The following CCDC30 variants were observed in gnomAD, a reference collection of about 807,000 sequenced individuals.
CCDC30 encodes coiled-coil domain-containing protein 30.
In CCDC30, 70 loss-of-function variants were observed where a neutral mutation model predicts 100.2. That is an observed-to-expected ratio of 0.70 (90% CI 0.58 to 0.85). The LOEUF is 0.85. Among genes scored for constraint, CCDC30 ranks in the 40% least tolerant of loss-of-function variants. The pLI, the probability that CCDC30 is intolerant of heterozygous loss-of-function variation, is 0.00. For synonymous variants in CCDC30, 233 were observed against 269.5 expected (o/e 0.86, Z 1.33); for missense variants, 652 against 771.2 (o/e 0.85, Z 1.83).
At position 42,556,418 on chromosome 1, in the gene CCDC30, A is replaced by G; in HGVS notation, c.457-9878A>G. 1 of 1,590,996 alleles carries G rather than the reference A, an allele frequency of 6.3e-7. No individual in the cohort carries two copies. The highest frequency in any genetic ancestry group is 8.6e-7 in the Non-Finnish European group (1 of 1,168,562). ...CAGTGGTGCCCAGGTAGGTGCTATA[A>G]ACACATGCCCTGACTGGGTTCGTTT... On this transcript the variant is annotated intron_variant, in intron 6 of 16. Coordinates refer to ENST00000668663, the Ensembl canonical transcript of CCDC30.
chr1:42,532,973 G>A (rs529094565), intron 6 of CCDC30, among the ~76,000 whole-genome samples: 1 of 152,246 alleles, frequency 6.6e-6, no homozygotes, highest in African/African-American at 2.4e-5. Flanking sequence ...GTTTCACTGT[G>A]GTATCGATCT....
chr1:42,551,053 A>G (rs565438033), intron 6 of CCDC30, among the ~76,000 whole-genome samples: 1 of 152,190 alleles, frequency 6.6e-6, no homozygotes, highest in African/African-American at 2.4e-5. Context: ...TACATGTGCC[A>G]TGTTGGTGTG....
At chr1:42,501,279 G>T (rs1644307899) in intron 6 of CCDC30, among the ~76,000 whole-genome samples, 1 of 152,152 alleles carries the variant, frequency 6.6e-6, no homozygotes, top group Non-Finnish European at 1.5e-5. Context: ...TTGGTAAAAA[G>T]AGTTATTTCC....
At chr1:42,537,257 A>G (rs918781141) in intron 6 of CCDC30, 46 of 456,190 alleles carry the variant, frequency 1.0e-4, no homozygotes, top group Non-Finnish European at 1.0e-4. Flanking sequence ...ATCAGGAGAC[A>G]TAATCAGCCT....
intron 11 of CCDC30, among the ~76,000 whole-genome samples, chr1:42,630,623 C>G (rs1647020484): frequency 6.6e-6 from 1 of 152,038 alleles, no homozygotes. Context: ...CTCAGGTGAC[C>G]TGCCTGCCTT....
chr1:42,586,642 C>G (rs1237983195), intron 9 of CCDC30, among the ~76,000 whole-genome samples: 2 of 152,058 alleles, frequency 1.3e-5, no homozygotes, highest in Non-Finnish European at 2.9e-5. Flanking sequence ...GCCACAGTGC[C>G]CATTTCTCAT....
At chr1:42,642,052 C>A (rs536652718) in intron 12 of CCDC30, among the ~76,000 whole-genome samples, 1 of 152,012 alleles carries the variant, frequency 6.6e-6, no homozygotes, top group Non-Finnish European at 1.5e-5. Flanking sequence ...GGTGAAACCC[C>A]ATCTCTACTA....
chr1:42,459,849 A>T (rs961368391), upstream of CCDC30: 2 of 1,614,114 alleles, frequency 1.2e-6, no homozygotes, highest in Admixed American at 1.7e-5. Context: ...AGAAATAGAA[A>T]AAGGCGTAGA....
intron 11 of CCDC30, among the ~76,000 whole-genome samples, chr1:42,623,336 A>C (rs909952339): frequency 2.0e-5 from 3 of 152,130 alleles, no homozygotes; most frequent in African/African-American, 7.2e-5. Context: ...GAATTTCCCC[A>C]GTGTTTTCTT....
chr1:42,566,988 A>C (rs1645619221), intron 7 of CCDC30, among the ~76,000 whole-genome samples: 1 of 152,228 alleles, frequency 6.6e-6, no homozygotes, highest in African/African-American at 2.4e-5. Flanking sequence ...GACCACATAA[A>C]TGTTTAAAAT....
At chr1:42,558,138 G>A (rs563214004) in intron 6 of CCDC30, 1 of 314,116 alleles carries the variant, frequency 3.2e-6, no homozygotes, top group Admixed American at 3.3e-5. Context: ...TACTCTGGCA[G>A]AGTGACTGAA....
chr1:42,483,787 G>GT (rs774311777), intron 3 of CCDC30, among the ~76,000 whole-genome samples: 18 of 151,822 alleles, frequency 1.2e-4, no homozygotes, highest in Middle Eastern at 3.4e-3. Flanking sequence ...TGTTGTTATT[G>GT]TTTTTTTACC....
the CCDC30 span, chr1:42,456,582 C>T: frequency 3.5e-5 from 52 of 1,492,226 alleles, no homozygotes; most frequent in Non-Finnish European, 4.4e-5. Context: ...GAAATGGATC[C>T]GGTAGCCGAG....
At chr1:42,591,886 G>A (rs1337061309) in intron 10 of CCDC30, 1 of 152,326 alleles carries the variant, frequency 6.6e-6, no homozygotes, top group Non-Finnish European at 1.5e-5. Context: ...TTGCACCATT[G>A]TGCCCTGGAT....
chr1:42,537,056 A>G (rs1644918905), intron 6 of CCDC30: 1 of 379,732 alleles, frequency 2.6e-6, no homozygotes, highest in Non-Finnish European at 5.1e-6. Context: ...GGAGAGCACA[A>G]TTCAGTCCAT....
At chr1:42,476,466 G>A (rs1643882197) in intron 1 of CCDC30, among the ~76,000 whole-genome samples, 2 of 152,074 alleles carry the variant, frequency 1.3e-5, no homozygotes, top group South Asian at 2.1e-4. Flanking sequence ...TGAGGTGGGC[G>A]GATCACCTGA....
chr1:42,587,637 C>G (rs1570159196), intron 9 of CCDC30, among the ~76,000 whole-genome samples: 1 of 152,042 alleles, frequency 6.6e-6, no homozygotes, highest in African/African-American at 2.4e-5. Context: ...TATAATTGTC[C>G]CCCAATAACC....
At chr1:42,575,149 C>T (rs1436216163) in intron 7 of CCDC30, among the ~76,000 whole-genome samples, 1 of 152,166 alleles carries the variant, frequency 6.6e-6, no homozygotes, top group Non-Finnish European at 1.5e-5. Flanking sequence ...AGTTGAAAAG[C>T]TTTGAGACCA....
chr1:42,616,324 A>G (rs887576639), intron 11 of CCDC30, among the ~76,000 whole-genome samples: 4 of 152,206 alleles, frequency 2.6e-5, no homozygotes, highest in Non-Finnish European at 5.9e-5. Flanking sequence ...CCTGGGCTCC[A>G]ACATAGAAGA....
Sources: allele counts gnomAD v4.1 joint callset (sites outside exome capture counted in the v4.1 genomes callset), GRCh38; gene constraint gnomAD v4.1.1; transcripts MANE v1.5; gene names NCBI Gene and HGNC (gene_info 2026-07-23, HGNC 2026-07-21).